The following GPC5 variants were observed in gnomAD, a reference collection of about 807,000 sequenced individuals.
The protein encoded by GPC5 is glypican-5.
Under a neutral mutation model 53.9 loss-of-function variants are expected in GPC5, and 47 were observed. The ratio of observed to expected loss-of-function variants is 0.87; its 90% confidence interval spans 0.69 to 1.11. The LOEUF is 1.11. GPC5 is among the 50% of genes most tolerant of loss of function. The pLI, the probability that GPC5 is intolerant of heterozygous loss-of-function variation, is 0.00. For synonymous variants in GPC5, 286 were observed against 263.3 expected, an observed-to-expected ratio of 1.09 and a Z score of -0.84; for missense variants, 748 against 713.1, an observed-to-expected ratio of 1.05 and a Z score of -0.56.
chr13:91,634,904 A>T (rs562065338), intron 2 of GPC5, among the ~76,000 whole-genome samples: 1 of 152,198 alleles, frequency 6.6e-6, no homozygotes, highest in Admixed American at 6.6e-5. Context: ...GGTCGCCAAC[A>T]TTTGTTTCCT....
intron 7 of GPC5, among the ~76,000 whole-genome samples, chr13:92,861,601 G>A (rs902806106): frequency 9.2e-5 from 14 of 152,036 alleles, no homozygotes; most frequent in South Asian, 8.3e-4. Context: ...CTATTTTTAC[G>A]TTCAAGACAT....
At chr13:91,410,624 G>T (rs1261849730) in intron 1 of GPC5, among the ~76,000 whole-genome samples, 3 of 151,920 alleles carry the variant, frequency 2.0e-5, no homozygotes, top group Non-Finnish European at 4.4e-5. Flanking sequence ...GGGATTACAG[G>T]CGTGAGCCAC....
In GPC5 at chr13:92,289,728, G is replaced by T. The variant is rs2042980769; in HGVS notation, c.1561+144739G>T. On this transcript the variant is annotated intron_variant, in intron 7 of 7. Coordinates refer to ENST00000377067, the MANE Select transcript of GPC5 (RefSeq NM_004466.6). ...ATATGAATGTCATCCACTTAATAAT[G>T]AAGTAGATATGCTGATATCAAAGTA... Among the ~76,000 whole-genome samples the T allele has an allele frequency of 2.0e-5, 3 of 151,944 alleles. No individual in the cohort carries two copies. The South Asian group carries it at 6.2e-4, about 31-fold the overall frequency.
intron 7 of GPC5, among the ~76,000 whole-genome samples, chr13:92,765,153 C>T (rs1875345379): frequency 6.6e-6 from 1 of 152,038 alleles, no homozygotes. Context: ...TGTAGAATAG[C>T]CTCATTAGAT....
intron 7 of GPC5, among the ~76,000 whole-genome samples, chr13:92,748,320 A>C (rs1214385837): frequency 6.8e-6 from 1 of 146,456 alleles, no homozygotes; most frequent in Non-Finnish European, 1.5e-5. Context: ...TTTTATTATT[A>C]TTATTATTAT....
At chr13:92,397,254 A>C (rs986491480) in intron 7 of GPC5, among the ~76,000 whole-genome samples, 1 of 151,474 alleles carries the variant, frequency 6.6e-6, no homozygotes, top group African/African-American at 2.4e-5. Flanking sequence ...TGTGGGAGAT[A>C]ATTGAATCAT....
At chr13:92,410,162 A>G (rs1875980114) in intron 7 of GPC5, among the ~76,000 whole-genome samples, 1 of 152,168 alleles carries the variant, frequency 6.6e-6, no homozygotes, top group Admixed American at 6.6e-5. Flanking sequence ...TAGTGGATAA[A>G]AGGTACAGAG....
chr13:91,544,716 T>A (rs973147558), intron 2 of GPC5, among the ~76,000 whole-genome samples: 1 of 152,234 alleles, frequency 6.6e-6, no homozygotes, highest in East Asian at 1.9e-4. Flanking sequence ...ACTGTTCTAG[T>A]TATCTGTTAC....
intron 7 of GPC5, among the ~76,000 whole-genome samples, chr13:92,721,305 T>G (rs1472812741): frequency 6.6e-6 from 1 of 151,966 alleles, no homozygotes; most frequent in African/African-American, 2.4e-5. Context: ...CAGAATATAA[T>G]GTAAGACAAT....
intron 7 of GPC5, among the ~76,000 whole-genome samples, chr13:92,525,731 A>C (rs1881253233): frequency 1.3e-5 from 2 of 151,972 alleles, no homozygotes; most frequent in Non-Finnish European, 2.9e-5. Flanking sequence ...ATAACTGCCA[A>C]AGGAAAAGTG....
At chr13:91,620,830 T>C (rs1448628615) in intron 2 of GPC5, among the ~76,000 whole-genome samples, 1 of 152,174 alleles carries the variant, frequency 6.6e-6, no homozygotes, top group African/African-American at 2.4e-5. Flanking sequence ...TAGCTATTGC[T>C]CTGCAATACC....
chr13:91,972,531 C>G (rs1342732025), intron 6 of GPC5, among the ~76,000 whole-genome samples: 6 of 152,122 alleles, frequency 3.9e-5, no homozygotes, highest in Middle Eastern at 3.2e-3. Context: ...GGTCATTTTG[C>G]TTGTTAGTTG....
chr13:91,812,658 T>G (rs1268930586), intron 5 of GPC5, among the ~76,000 whole-genome samples: 2 of 152,220 alleles, frequency 1.3e-5, no homozygotes, highest in East Asian at 3.8e-4. Context: ...CTTCAGTATT[T>G]CACAGTTTCC....
chr13:92,210,865 A>G (rs2097199614), intron 7 of GPC5, among the ~76,000 whole-genome samples: 1 of 152,214 alleles, frequency 6.6e-6, no homozygotes, highest in African/African-American at 2.4e-5. Flanking sequence ...GACTTTGAGA[A>G]GAGGGCAATG....
At chr13:92,030,092 T>A (rs1363513825) in intron 6 of GPC5, among the ~76,000 whole-genome samples, 1 of 152,224 alleles carries the variant, frequency 6.6e-6, no homozygotes, top group African/African-American at 2.4e-5. Flanking sequence ...GTATCCAGTA[T>A]AATTTTGCTG....
chr13:91,981,702 G>C (rs1241675955), intron 6 of GPC5, among the ~76,000 whole-genome samples: 1 of 152,162 alleles, frequency 6.6e-6, no homozygotes, highest in African/African-American at 2.4e-5. Flanking sequence ...AACTAGTATA[G>C]AAGACAAATT....
chr13:91,400,627 C>G (rs997720479), intron 1 of GPC5, among the ~76,000 whole-genome samples: 3 of 152,114 alleles, frequency 2.0e-5, no homozygotes, highest in Middle Eastern at 3.2e-3. Context: ...GATGTGAGAT[C>G]TTTACCTGAA....
intron 2 of GPC5, among the ~76,000 whole-genome samples, chr13:91,536,269 G>A (rs1314784960): frequency 6.6e-6 from 1 of 152,126 alleles, no homozygotes; most frequent in Non-Finnish European, 1.5e-5. Flanking sequence ...GTGGTTTTCA[G>A]CAACTCAGGG....
intron 2 of GPC5, among the ~76,000 whole-genome samples, chr13:91,563,766 C>T (rs921405770): frequency 6.6e-6 from 1 of 152,098 alleles, no homozygotes; most frequent in Non-Finnish European, 1.5e-5. Context: ...CCTCCTCAGG[C>T]TTTTCCCTTC....
Sources: allele counts gnomAD v4.1 joint callset (sites outside exome capture counted in the v4.1 genomes callset), GRCh38; gene constraint gnomAD v4.1.1; transcripts MANE v1.5; gene names NCBI Gene and HGNC (gene_info 2026-07-23, HGNC 2026-07-21).